KLHL41: variants seen among roughly 807,000 people sequenced by gnomAD.
KLHL41 encodes the protein kelch-like protein 41.
In KLHL41, 31 loss-of-function variants were observed where a neutral mutation model predicts 49.2. The observed-to-expected ratio is 0.63, with a 90% CI of 0.47 to 0.85. The LOEUF is 0.85. KLHL41 is among the 40% of genes least tolerant of loss of function. The pLI is 0.00. For missense variants in KLHL41, 663 were observed against 726.7 expected, an observed-to-expected ratio of 0.91 and a Z score of 1.01; for synonymous variants, 218 against 258.5, an observed-to-expected ratio of 0.84 and a Z score of 1.50.
Position 169,510,440 on chromosome 2 carries a change from G to A in KLHL41, c.662G>A (p.Cys221Tyr), listed in dbSNP as rs898513131. 10 of 1,614,032 alleles carry A rather than the reference G, an allele frequency of 6.2e-6. No individual in the cohort carries two copies. Among genetic ancestry groups the A allele is most frequent in the Non-Finnish European group, 8.5e-6 (10 of 1,179,996 alleles). Residue 221 changes from cysteine to tyrosine, a missense_variant, in exon 1 of 6, where the codon TGT becomes TAT. Physicochemically the swap from Cys to Tyr is radical, Grantham distance 194. Coordinates refer to ENST00000284669, the MANE Select transcript of KLHL41 (RefSeq NM_006063.3). This position sits in a 1 kb window ranked among gnomAD's most constrained non-coding sequence, Gnocchi z 4.2. ...RVKNLSEVFD[C>Y]IRFRLMTEKY... Reference sequence around the variant, plus strand: ...AAAAACCTTAGTGAAGTGTTTGATTGTATCCGTTTTCGCCTTATGACAGAA... The same window carrying A: ...AAAAACCTTAGTGAAGTGTTTGATTATATCCGTTTTCGCCTTATGACAGAA...
chr2:169,525,659 C>G lies in KLHL41; in HGVS notation c.1784C>G (p.Ala595Gly). 2.5e-6 allele frequency: 4 copies of G among 1,612,422 alleles called. No homozygotes were observed. In the South Asian group the frequency reaches 4.4e-5, roughly 18 times the overall value. ...TATGCTTCAGGAGCTAGTTGCCTAG[C>G]AACACGTTTAAATCTCTTCAAACTG... ...IRYASGASCLATRLNLFKLSK... is the reference protein window; with the variant it reads ...IRYASGASCLGTRLNLFKLSK... Residue 595 changes from alanine to glycine, a missense_variant, in exon 6 of 6, where the codon GCA (alanine) becomes GGA (glycine). By Grantham distance (60) the Ala-to-Gly change is moderately conservative. Around this residue, in one of 3 missense-constraint regions of KLHL41, gnomAD observed 528 missense variants for 581.0 expected, o/e 0.91. Transcript: ENST00000284669.
intron 3 of KLHL41, among the ~76,000 whole-genome samples, 158 bp downstream of exon 3, chr2:169,515,119 C>T (rs1187020105): frequency 6.6e-6 from 1 of 150,392 alleles, no homozygotes; most frequent in African/African-American, 2.5e-5. Flanking sequence ...CTGCAACCGC[C>T]GCCTCCTGGG....
At position 169,510,596 on chromosome 2, in the gene KLHL41, CTG is replaced by C; in HGVS notation, c.819_820del (p.Ala275TrpfsTer2). 1 of 1,614,152 alleles carries C rather than the reference CTG, an allele frequency of 6.2e-7. No individual in the cohort carries two copies. The highest frequency in any genetic ancestry group is 8.5e-7 in the Non-Finnish European group (1 of 1,180,032). On this transcript the variant is annotated frameshift_variant, in exon 1 of 6. Transcript: ENST00000284669. LOFTEE classifies it high-confidence loss of function. This position sits in a 1 kb window ranked among gnomAD's most constrained non-coding sequence, Gnocchi z 4.2. ...GAACCTAGCAAAAATGCCGCGAAGACTGGGGCTGGTGAGGTGAATGGTGATGT... is the reference window on the plus strand; with the variant it reads ...GAACCTAGCAAAAATGCCGCGAAGACGGGCTGGTGAGGTGAATGGTGATGT...
intron 4 of KLHL41, among the ~76,000 whole-genome samples, chr2:169,519,202 ATTC>A (rs1198463644): frequency 6.6e-6 from 1 of 152,174 alleles, no homozygotes; most frequent in Non-Finnish European, 1.5e-5. Context: ...TTTGACAGCT[ATTC>A]TTCATATAAA....
In KLHL41 at chr2:169,525,565, C is replaced by G; in HGVS notation, c.1710-20C>G. 2 of 1,423,740 alleles carry G rather than the reference C, an allele frequency of 1.4e-6. No homozygotes were observed. The highest frequency in any genetic ancestry group is 2.0e-6 in the Non-Finnish European group (2 of 1,010,288). The allele number at this position is 1,423,740 out of a possible 1,614,324, so 88.2% of individuals were successfully genotyped here. ...TGGAACTAAAGCTGCTTATTGATTA[C>G]TTTTTTTTTCCTCCATCAGGTATGA... On this transcript the variant is annotated intron_variant, in intron 5 of 5. Coordinates refer to ENST00000284669, the MANE Select transcript of KLHL41 (RefSeq NM_006063.3).
At chr2:169,518,992 C>CTA (rs34436874) in intron 4 of KLHL41, among the ~76,000 whole-genome samples, 97,579 of 151,792 alleles carry the variant, frequency 0.64, 31,627 homozygotes, top group Admixed American at 0.74. Flanking sequence ...GAATAATTGT[C>CTA]TGTGTAGATG....
chr2:169,523,251 T>C (rs1361723914), intron 5 of KLHL41, among the ~76,000 whole-genome samples: 1 of 152,146 alleles, frequency 6.6e-6, no homozygotes, highest in Non-Finnish European at 1.5e-5. Flanking sequence ...TCTCTGATTG[T>C]GGTTTATTTT....
chr2:169,510,192 C>G lies in KLHL41; in HGVS notation c.414C>G (p.Ile138Met). The change falls in exon 1 of 6, where the codon ATC becomes ATG. Residue 138 changes from isoleucine (I) to methionine (M), a missense_variant. By Grantham distance (10) the Ile-to-Met change is conservative. Around this residue, in one of 3 missense-constraint regions of KLHL41, gnomAD observed 528 missense variants for 581.0 expected, o/e 0.91. Transcript: ENST00000284669. The surrounding 1 kb of genome is among the most constrained non-coding windows in gnomAD (Gnocchi z 4.2). The stretch of plus-strand genomic sequence containing the variant: ...TTGCTCCTGGTAACTGTCTAGCCAT[C>G]CTAAGATTAGGACTTCTTCTTGACT... ...KRLAPGNCLA[I>M]LRLGLLLDCP... is the part of the protein sequence containing the mutation. 1 of 1,614,056 alleles carries G rather than the reference C, an allele frequency of 6.2e-7. No homozygotes were observed. The highest frequency in any genetic ancestry group is 8.5e-7 in the Non-Finnish European group (1 of 1,180,024).
intron 5 of KLHL41, among the ~76,000 whole-genome samples, chr2:169,524,195 A>T (rs917402688): frequency 4.6e-5 from 7 of 151,942 alleles, no homozygotes; most frequent in African/African-American, 1.7e-4. Context: ...TTTATCTCTT[A>T]ATTTGTTGCC....
At chr2:169,516,357 C>T (rs1057363686) in intron 3 of KLHL41, among the ~76,000 whole-genome samples, 3 of 152,184 alleles carry the variant, frequency 2.0e-5, no homozygotes, top group African/African-American at 7.2e-5. Flanking sequence ...TTTTAAACAT[C>T]TACCTGTATT....
chr2:169,514,454 C>A, intron 1 of KLHL41, 120 bp from the exon 2 acceptor site: 2 of 687,918 alleles, frequency 2.9e-6, no homozygotes, highest in Non-Finnish European at 4.7e-6. Context: ...GTTTTATTTA[C>A]TTGTGAGATA....
intron 4 of KLHL41, 59 bp from the exon 5 acceptor site, chr2:169,520,802 G>C: frequency 7.6e-7 from 1 of 1,314,210 alleles, no homozygotes; most frequent in Middle Eastern, 1.9e-4. Context: ...TAATTATTCA[G>C]TAAGTACATC....
Position 169,524,440 on chromosome 2 carries a change from T to G in KLHL41, c.1710-1145T>G, listed in dbSNP as rs1437486066. Among the ~76,000 whole-genome samples, 5 of 144,334 alleles carry G rather than the reference T, an allele frequency of 3.5e-5. No individual in the cohort carries two copies. In the East Asian group the frequency reaches 1.0e-3, roughly 30 times the overall value. 94.7% of individuals were successfully genotyped at this position (144,334 alleles called of 152,430 possible). On this transcript the variant is annotated intron_variant, in intron 5 of 5. Transcript: ENST00000284669. ...AATCTTTTTTTTTTTTTTTTTTTTT[T>G]GAGATGGAGTCTTGCTGTGCAATCT... is the stretch of plus-strand genomic sequence containing the variant.
intron 4 of KLHL41, 94 bp downstream of exon 4, chr2:169,518,469 G>A: frequency 1.1e-6 from 1 of 927,072 alleles, no homozygotes. Flanking sequence ...TTAGGATGTG[G>A]GGAGGGGAGG....
At chr2:169,512,537 C>T (rs1684044861) in intron 1 of KLHL41, among the ~76,000 whole-genome samples, 1 of 152,106 alleles carries the variant, frequency 6.6e-6, no homozygotes, top group African/African-American at 2.4e-5. Flanking sequence ...TAATCTTTGT[C>T]CTCTTCCAGC....
intron 5 of KLHL41, 148 bp from the exon 6 acceptor site, chr2:169,525,437 T>C (rs1684288689): frequency 5.1e-6 from 3 of 585,730 alleles, no homozygotes; most frequent in East Asian, 5.6e-5. Context: ...ATTTGGGAGA[T>C]ATTTAAGTTC....
chr2:169,514,983 G>T (rs775196099), intron 3 of KLHL41, 22 bp downstream of exon 3: 1 of 1,380,406 alleles, frequency 7.2e-7, no homozygotes, highest in Non-Finnish European at 1.0e-6. Flanking sequence ...GAACTCTCAT[G>T]ATTTATGTCT....
chr2:169,520,314 G>GTGTGTGTA (rs1553531993), intron 4 of KLHL41, among the ~76,000 whole-genome samples: 10,096 of 103,358 alleles, frequency 0.098, 1,190 homozygotes, highest in Admixed American at 0.14. Flanking sequence ...GTGTGTGTAT[G>GTGTGTGTA]TGTGTGTGTG....
At chr2:169,519,469 C>T (rs1684165928) in intron 4 of KLHL41, among the ~76,000 whole-genome samples, 1 of 152,034 alleles carries the variant, frequency 6.6e-6, no homozygotes, top group Non-Finnish European at 1.5e-5. Context: ...TAAGAAGCAA[C>T]ACACAAAAAT....
Sources: gnomAD v4.1 joint callset for allele counts (sites outside exome capture counted in the v4.1 genomes callset) on GRCh38, gnomAD v4.1.1 for gene constraint, gnomAD v4.1.1 regional missense constraint, Gnocchi (gnomAD v3.1) non-coding constraint, MANE v1.5 for transcripts, NCBI Gene and HGNC (gene_info 2026-07-23, HGNC 2026-07-21) for gene names.